The following NLRP14 variants were observed in gnomAD, a reference collection of about 807,000 sequenced individuals.
NLRP14 encodes NLR family pyrin domain containing 14.
A neutral mutation model predicts 94.7 loss-of-function variants in NLRP14; 105 were observed. The ratio of observed to expected loss-of-function variants is 1.11; its 90% CI spans 0.95 to 1.30. NLRP14 has a LOEUF of 1.30. Ranked by LOEUF, NLRP14 falls within the 50% of genes most tolerant of loss-of-function variation. NLRP14 has a pLI of 0.00. For missense variants in NLRP14, 1,362 were observed against 1,254.1 expected, an observed-to-expected ratio of 1.09 and a Z score of -1.30; for synonymous variants, 508 against 459.9, an observed-to-expected ratio of 1.10 and a Z score of -1.34.
intron 1 of NLRP14, among the ~76,000 whole-genome samples, chr11:7,035,278 A>G (rs1852145689): frequency 6.6e-6 from 1 of 152,138 alleles, no homozygotes; most frequent in Non-Finnish European, 1.5e-5. Context: ...GTGAGTGGAG[A>G]TCCACCACTA....
the NLRP14 span, chr11:7,089,545 C>T: frequency 6.6e-6 from 8 of 1,203,730 alleles, no homozygotes; most frequent in Non-Finnish European, 7.2e-6. Context: ...CTGCGGCCCT[C>T]CAGGGCCCCG....
the NLRP14 span, chr11:7,089,262 T>A: frequency 6.2e-7 from 1 of 1,610,062 alleles, no homozygotes; most frequent in Non-Finnish European, 8.5e-7. Context: ...AACCAACAAG[T>A]CGAGGGGCTT....
At chr11:7,038,972 C>T in intron 2 of NLRP14, 97 bp downstream of exon 2, 3 of 1,189,740 alleles carry the variant, frequency 2.5e-6, no homozygotes, top group Non-Finnish European at 3.5e-6. Flanking sequence ...AGGGATTAAA[C>T]CATGTTGGGG....
the NLRP14 span, chr11:7,089,655 G>A: frequency 3.6e-6 from 5 of 1,396,258 alleles, no homozygotes; most frequent in Admixed American, 1.3e-4. Context: ...TGGAATGCGC[G>A]GGAGGGCCCT....
Position 7,039,453 on chromosome 11 carries a change from G to T in NLRP14, c.290-261G>T, listed in dbSNP as rs572262147. Reference sequence around the variant, plus strand: ...AGTCAGTATAGACAAGGAAACTGAGGCTTATACACTACACTATTTGCCCTG... The same window carrying T: ...AGTCAGTATAGACAAGGAAACTGAGTCTTATACACTACACTATTTGCCCTG... On this transcript the variant is annotated intron_variant, in intron 2 of 11. Transcript: ENST00000299481. Among the ~76,000 whole-genome samples, 5 of 152,116 alleles carry T rather than the reference G, an allele frequency of 3.3e-5. No individual in the cohort carries two copies. In the South Asian group the frequency reaches 1.0e-3, roughly 32 times the overall value.
At chr11:7,078,437 CAAAAAAAAAAAAA>C in the NLRP14 span, among the ~76,000 whole-genome samples, 7 of 15,360 alleles carry the variant, frequency 4.6e-4, no homozygotes, top group Non-Finnish European at 9.3e-4. Flanking sequence ...GACTCTGTCT[CAAAAAAAAAAAAA>C]AAAAAAAAAA....
At chr11:7,045,703 A>G (rs1000485197) in intron 4 of NLRP14, among the ~76,000 whole-genome samples, 1 of 152,036 alleles carries the variant, frequency 6.6e-6, no homozygotes, top group Non-Finnish European at 1.5e-5. Flanking sequence ...GCTGTTATAT[A>G]TAAGGCAACA....
chr11:7,085,547 A>G, the NLRP14 span, among the ~76,000 whole-genome samples: 1 of 152,200 alleles, frequency 6.6e-6, no homozygotes, highest in Non-Finnish European at 1.5e-5. Context: ...GTTGTAGTAT[A>G]TGTCAGAATT....
At chr11:7,071,922 C>G (rs1852806351), downstream of NLRP14, among the ~76,000 whole-genome samples, 1 of 152,052 alleles carries the variant, frequency 6.6e-6, no homozygotes, top group Non-Finnish European at 1.5e-5. Context: ...ACAATGAATA[C>G]TTTCTATAGC....
At chr11:7,084,252 C>G in the NLRP14 span, among the ~76,000 whole-genome samples, 1 of 152,186 alleles carries the variant, frequency 6.6e-6, no homozygotes, top group African/African-American at 2.4e-5. Context: ...ACCTGCTCCT[C>G]CAGTAGTGTA....
intron 8 of NLRP14, among the ~76,000 whole-genome samples, chr11:7,059,272 T>C (rs897235796): frequency 6.6e-6 from 1 of 151,582 alleles, no homozygotes; most frequent in Admixed American, 6.6e-5. Context: ...TTTATGGTCA[T>C]TTTTAGAACA....
chr11:7,025,090 A>G (rs942040173), intron 1 of NLRP14, among the ~76,000 whole-genome samples: 3 of 152,206 alleles, frequency 2.0e-5, no homozygotes, highest in African/African-American at 7.2e-5. Flanking sequence ...TGTAGACCAA[A>G]TAACTCATGA....
At chr11:7,048,282 T>C (rs1852389492) in intron 5 of NLRP14, among the ~76,000 whole-genome samples, 1 of 152,232 alleles carries the variant, frequency 6.6e-6, no homozygotes, top group African/African-American at 2.4e-5. Flanking sequence ...CAGTCTTTTT[T>C]AAATTTTAAT....
intron 10 of NLRP14, among the ~76,000 whole-genome samples, chr11:7,066,491 G>C (rs1240434837): frequency 6.6e-6 from 1 of 152,088 alleles, no homozygotes; most frequent in Non-Finnish European, 1.5e-5. Flanking sequence ...ATGTTTGTTG[G>C]CCACATAAAT....
At position 7,043,441 on chromosome 11, in the gene NLRP14, A is replaced by G. The variant is rs768996922; in HGVS notation, c.1415A>G (p.Tyr472Cys). ...DSNIIQKDAE[Y>C]ENCYVFTHLH... ...AATATTATTCAGAAGGACGCAGAGT[A>G]TGAAAACTGCTATGTGTTCACCCAC... Residue 472 changes from tyrosine to cysteine, a missense_variant, in exon 4 of 12, where the codon TAT becomes TGT. Coordinates refer to ENST00000299481, the MANE Select transcript of NLRP14 (RefSeq NM_176822.4). 6.2e-7 allele frequency: 1 copy of G among 1,614,224 alleles called. No homozygotes were observed. Among genetic ancestry groups the G allele is most frequent in the South Asian group, 1.1e-5 (1 of 91,090 alleles).
intron 10 of NLRP14, 107 bp downstream of exon 10, chr11:7,062,610 G>A (rs1852642312): frequency 3.2e-6 from 3 of 943,406 alleles, no homozygotes; most frequent in Non-Finnish European, 3.5e-6. Context: ...GGGGCTAGAA[G>A]GTAAGTTACT....
intron 1 of NLRP14, among the ~76,000 whole-genome samples, chr11:7,027,592 C>G (rs1377132928): frequency 6.6e-6 from 1 of 152,112 alleles, no homozygotes; most frequent in African/African-American, 2.4e-5. Flanking sequence ...TATAGCAGGC[C>G]TACTTCCCTC....
chr11:7,040,914 T>A (rs576835245), intron 3 of NLRP14, among the ~76,000 whole-genome samples: 1 of 152,200 alleles, frequency 6.6e-6, no homozygotes, highest in Non-Finnish European at 1.5e-5. Context: ...TCAAACCTAA[T>A]GGCTATTTCC....
the NLRP14 span, among the ~76,000 whole-genome samples, chr11:7,087,575 A>G: frequency 2.6e-5 from 4 of 152,228 alleles, no homozygotes; most frequent in Non-Finnish European, 5.9e-5. Flanking sequence ...TTACATGGAT[A>G]TACACACGTA....
Sources: allele counts gnomAD v4.1 joint callset (sites outside exome capture counted in the v4.1 genomes callset), GRCh38; gene constraint gnomAD v4.1.1; transcripts MANE v1.5; gene names NCBI Gene and HGNC (gene_info 2026-07-23, HGNC 2026-07-21).